Variants in MYBPC2 observed in about 807,000 individuals in gnomAD.
MYBPC2 encodes myosin-binding protein C, fast-type.
Under a neutral mutation model 137.0 loss-of-function variants are expected in MYBPC2, and 122 were observed. That is an observed-to-expected ratio of 0.89 (90% CI 0.77 to 1.03). The LOEUF is 1.03. Among genes scored for constraint, MYBPC2 ranks in the 50% least tolerant of loss-of-function variants. The probability of loss-of-function intolerance (pLI) is 0.00; values close to 1 mark genes in which losing one functional copy is unlikely to be tolerated. For missense variants in MYBPC2, 1,500 were observed against 1,534.4 expected (o/e 0.98, Z 0.37); for synonymous variants, 626 against 612.3 (o/e 1.02, Z -0.33).
intron 26 of MYBPC2, 84 bp from the exon 27 acceptor site, chr19:50,464,262 C>T: frequency 7.8e-7 from 1 of 1,289,704 alleles, no homozygotes; most frequent in Non-Finnish European, 1.1e-6. Context: ...GCCTAGAACC[C>T]AGATCGGCTT....
At position 50,451,305 on chromosome 19, in the gene MYBPC2, G is replaced by A. The variant is rs1171528975; in HGVS notation, c.1605G>A (p.Lys535=). 1 of 1,613,488 alleles carries A rather than the reference G, an allele frequency of 6.2e-7. No homozygotes were observed. Among genetic ancestry groups the A allele is most frequent in the African/African-American group, 1.3e-5 (1 of 74,820 alleles). ...FLEIKVEYVP[K]QEPPKIHLDC... ...AAATCAAGGTGGAGTACGTTCCCAA[G>A]CAAGGTGAGCACCACGGGCTGCGCT... Residue 535 remains lysine, a synonymous_variant, in exon 15 of 28, where the codon AAG becomes AAA. Transcript: ENST00000357701.
At chr19:50,433,808 G>T (rs377246151) in intron 1 of MYBPC2, among the ~76,000 whole-genome samples, 3 of 148,412 alleles carry the variant, frequency 2.0e-5, no homozygotes, top group African/African-American at 2.5e-5. Context: ...AGGTGCAGGG[G>T]CTCACGCCTG....
intron 1 of MYBPC2, among the ~76,000 whole-genome samples, chr19:50,434,649 G>C (rs189405538): frequency 2.0e-5 from 3 of 152,314 alleles, no homozygotes; most frequent in African/African-American, 7.2e-5. Context: ...GGAACTCACC[G>C]CAGGAATCAT....
Position 50,454,014 on chromosome 19 carries a change from GTTCAGGTA to G in MYBPC2, c.1750-1_1756del. Reference sequence around the variant, plus strand: ...GGGTGCAAGGCCATCTGGTGGCTGCGTTCAGGTATTCACGACCACCGAGGGCAGGACCC... The same window carrying G: ...GGGTGCAAGGCCATCTGGTGGCTGCGTTCACGACCACCGAGGGCAGGACCC... On this transcript the variant is annotated splice_acceptor_variant and splice_polypyrimidine_tract_variant and coding_sequence_variant and intron_variant, in exon 17 of 28. Coordinates refer to ENST00000357701, the MANE Select transcript of MYBPC2 (RefSeq NM_004533.4). LOFTEE classifies it high-confidence loss of function. The G allele has an allele frequency of 6.3e-7, 1 of 1,588,876 alleles. No homozygotes were observed. The highest frequency in any genetic ancestry group is 8.6e-7 in the Non-Finnish European group (1 of 1,169,284).
At chr19:50,446,183 AC>A in intron 12 of MYBPC2, 131 bp downstream of exon 12, 1 of 1,135,560 alleles carries the variant, frequency 8.8e-7, no homozygotes, top group Non-Finnish European at 1.2e-6. Flanking sequence ...TGTTCAGCCC[AC>A]CAGGGAGATC....
At chr19:50,462,680 G>A (rs977284958) in intron 26 of MYBPC2, among the ~76,000 whole-genome samples, 3 of 152,014 alleles carry the variant, frequency 2.0e-5, no homozygotes, top group Admixed American at 2.0e-4. Context: ...AAGTTCAAGC[G>A]ATTCTCCTGT....
Position 50,456,603 on chromosome 19 carries a change from T to C in MYBPC2, c.2338+959T>C, listed in dbSNP as rs1251295669. Among the ~76,000 whole-genome samples, 4 of 152,040 alleles carry C rather than the reference T, an allele frequency of 2.6e-5. No individual in the cohort carries two copies. The East Asian group carries it at 7.7e-4, about 29-fold the overall frequency. ...CTGCAACCATGCCCAGCTAATTTTT[T>C]TTTTTTGTATTTTTAGTAGAGACAG... On this transcript the variant is annotated intron_variant, in intron 20 of 27. Transcript: ENST00000357701.
intron 27 of MYBPC2, among the ~76,000 whole-genome samples, chr19:50,464,809 TC>T (rs996299432): frequency 2.0e-5 from 3 of 151,996 alleles, no homozygotes; most frequent in African/African-American, 7.3e-5. Context: ...TTAGGAAACG[TC>T]CCCAAGGCCT....
chr19:50,459,989 G>C (rs28668964), intron 23 of MYBPC2, 51 bp from the exon 24 acceptor site: 91,375 of 1,547,772 alleles, frequency 0.059, 3,369 homozygotes, highest in African/African-American at 0.16. Context: ...GGAGGGAAGC[G>C]GCTGGACATC....
chr19:50,446,236 C>CGTG, intron 12 of MYBPC2, among the ~76,000 whole-genome samples, 184 bp downstream of exon 12: 1 of 152,320 alleles, frequency 6.6e-6, no homozygotes, highest in East Asian at 1.9e-4. Context: ...TCCAGCCAAG[C>CGTG]GTGGTGGCTC....
chr19:50,459,114 A>C lies in MYBPC2; in HGVS notation c.2599A>C (p.Lys867Gln). 2 of 1,559,976 alleles carry C rather than the reference A, an allele frequency of 1.3e-6. No individual in the cohort carries two copies. Among genetic ancestry groups the C allele is most frequent in the African/African-American group, 1.4e-5 (1 of 73,622 alleles). Residue 867 changes from lysine (K) to glutamine (Q), a missense_variant, in exon 23 of 28, where the codon AAG becomes CAG. Physicochemically the swap from Lys to Gln is moderately conservative, Grantham distance 53. Transcript: ENST00000357701. ...QLNLVVPFQG[K>Q]PRPQVVWTKG... ...CCGCCCCGCCCTCTCCCCGCAGGGA[A>C]AGCCCCGGCCCCAGGTGGTGTGGAC...
rs1016914605 is a variant in MYBPC2, at chr19:50,459,177, G to A, written c.2662G>A (p.Val888Met). 2 of 1,606,032 alleles carry A rather than the reference G, an allele frequency of 1.2e-6. No individual in the cohort carries two copies. Among genetic ancestry groups the A allele is most frequent in the Admixed American group, 1.7e-5 (1 of 59,446 alleles). Residue 888 changes from valine (V) to methionine (M), a missense_variant, in exon 23 of 28, where the codon GTG (valine) becomes ATG (methionine). Coordinates refer to ENST00000357701, the MANE Select transcript of MYBPC2 (RefSeq NM_004533.4). ...GAPLDTSRVH[V>M]RTSDFDTVFF... ...CCCGCTGGACACCTCCCGCGTGCAC[G>A]TGCGGACCAGCGACTTCGACACCGT...
rs180879515 is a variant in MYBPC2, at chr19:50,445,116, G to A, written c.1134-764G>A. On this transcript the variant is annotated intron_variant, in intron 11 of 27. Transcript: ENST00000357701. ...TAGCTTCCTAGGAGGAAGGGACTCA[G>A]GAGGTCAGGGAAGTCTTCCTGGAGG... Among the ~76,000 whole-genome samples the A allele has an allele frequency of 1.2e-3, 177 of 152,228 alleles. 1 individual carries two copies. The highest frequency in any genetic ancestry group is 3.8e-3 in the African/African-American group (157 of 41,528).
intron 1 of MYBPC2, among the ~76,000 whole-genome samples, chr19:50,434,294 T>C (rs1310331982): frequency 6.8e-6 from 1 of 147,256 alleles, no homozygotes; most frequent in African/African-American, 2.5e-5. Context: ...GAGACGGAGG[T>C]TGCAGTGAGC....
intron 13 of MYBPC2, among the ~76,000 whole-genome samples, chr19:50,450,435 A>G (rs1014213912): frequency 6.6e-6 from 1 of 151,800 alleles, no homozygotes; most frequent in African/African-American, 2.4e-5. Context: ...AACAGTATCT[A>G]TTTATTTATT....
Position 50,466,022 on chromosome 19 carries a change from G to A in MYBPC2, c.3416-173G>A, listed in dbSNP as rs1222271317. Among the ~76,000 whole-genome samples the A allele has an allele frequency of 6.6e-6, 1 of 152,160 alleles. No homozygotes were observed. The highest frequency in any genetic ancestry group is 1.5e-5 in the Non-Finnish European group (1 of 68,028). On this transcript the variant is annotated intron_variant, in intron 27 of 27. Transcript: ENST00000357701. The surrounding 1 kb of genome is among the most constrained non-coding windows in gnomAD (Gnocchi z 4.9). Reference sequence around the variant, plus strand: ...TCCCCATCTGGGATCCAAAATACCAGTAATCAGGAGCACTGTGACTCTGGG... The same window carrying A: ...TCCCCATCTGGGATCCAAAATACCAATAATCAGGAGCACTGTGACTCTGGG...
Position 50,460,026 on chromosome 19 carries a change from T to G in MYBPC2, c.2792-14T>G. 1 of 1,550,798 alleles carries G rather than the reference T, an allele frequency of 6.4e-7. No homozygotes were observed. The highest frequency in any genetic ancestry group is 8.7e-7 in the Non-Finnish European group (1 of 1,147,024). On this transcript the variant is annotated splice_polypyrimidine_tract_variant and intron_variant, in intron 23 of 27. Coordinates refer to ENST00000357701, the MANE Select transcript of MYBPC2 (RefSeq NM_004533.4). Reference sequence around the variant, plus strand: ...CAAAACCTGGACTGACTTGTCACACTTCCCCATTTCCAGAAAAGGCTGGGC... The same window carrying G: ...CAAAACCTGGACTGACTTGTCACACGTCCCCATTTCCAGAAAAGGCTGGGC...
chr19:50,459,930 G>C (rs949885377), intron 23 of MYBPC2, 110 bp from the exon 24 acceptor site: 64 of 1,465,046 alleles, frequency 4.4e-5, no homozygotes, highest in Non-Finnish European at 5.9e-5. Flanking sequence ...ATGGGAATGG[G>C]GCATAAGAGA....
At chr19:50,457,200 C>T (rs2039921671) in intron 20 of MYBPC2, among the ~76,000 whole-genome samples, 1 of 152,110 alleles carries the variant, frequency 6.6e-6, no homozygotes, top group South Asian at 2.1e-4. Context: ...GATGGTTGAA[C>T]CCTCATCAGC....
Sources: gnomAD v4.1 joint callset for allele counts (sites outside exome capture counted in the v4.1 genomes callset) on GRCh38, gnomAD v4.1.1 for gene constraint, Gnocchi (gnomAD v3.1) non-coding constraint, MANE v1.5 for transcripts, NCBI Gene and HGNC (gene_info 2026-07-23, HGNC 2026-07-21) for gene names.